The following ATP9A variants were observed in gnomAD, a reference collection of about 807,000 sequenced individuals.
ATP9A encodes probable phospholipid-transporting ATPase IIA.
A neutral mutation model predicts 144.1 loss-of-function variants in ATP9A; 52 were observed. The ratio of observed to expected loss-of-function variants is 0.36; its 90% CI spans 0.29 to 0.45. ATP9A has a LOEUF of 0.45. ATP9A is among the 20% of genes least tolerant of loss of function. The probability of loss-of-function intolerance (pLI) is 1.00; values close to 1 mark genes in which losing one functional copy is unlikely to be tolerated. For synonymous variants in ATP9A, 582 were observed against 557.4 expected, an observed-to-expected ratio of 1.04 and a Z score of -0.62; for missense variants, 947 against 1,392.7, an observed-to-expected ratio of 0.68 and a Z score of 5.09.
At chr20:51,606,199 G>A (rs2077162960) in intron 26 of ATP9A, among the ~76,000 whole-genome samples, 1 of 152,124 alleles carries the variant, frequency 6.6e-6, no homozygotes, top group Admixed American at 6.5e-5. Context: ...GGAGGTTGCA[G>A]TGAGCCAAAA....
intron 11 of ATP9A, among the ~76,000 whole-genome samples, chr20:51,673,311 C>T (rs1352524846): frequency 6.6e-6 from 1 of 151,986 alleles, no homozygotes; most frequent in Non-Finnish European, 1.5e-5. Flanking sequence ...GAGGTGGAGG[C>T]TGCAGTGAGC....
chr20:51,702,291 CAAAAA>C (rs568902724), intron 4 of ATP9A, among the ~76,000 whole-genome samples: 3 of 101,294 alleles, frequency 3.0e-5, no homozygotes, highest in Non-Finnish European at 4.1e-5. Context: ...GACTCTGTCT[CAAAAA>C]AAAAAAAAAA....
rs543844593 is a variant in ATP9A at position 51,703,750 on chromosome 20, A to T, written c.437-6268T>A. 1.8e-4 allele frequency among the ~76,000 whole-genome samples: 27 copies of T among 152,186 alleles called. 1 individual carries two copies. In the East Asian group the frequency reaches 2.5e-3, roughly 14 times the overall value. On this transcript the variant is annotated intron_variant, in intron 4 of 27. Transcript: ENST00000338821. ...AACTGCAGAATAGCCTACCAAAAAAATTTTTTTTAATAAATTCCAGGGCAG... is the reference window on the plus strand; with the variant it reads ...AACTGCAGAATAGCCTACCAAAAAATTTTTTTTTAATAAATTCCAGGGCAG...
Position 51,639,403 on chromosome 20 carries a change from G to A in ATP9A, c.1608C>T (p.Phe536=), listed in dbSNP as rs1034540582. ...LRTPGDQILN[F]TILQIFPFTY... is the part of the protein sequence containing the mutation. ...TGAAAGGGAAGATCTGTAGGATGGT[G>A]AAGTTCAGGATCTGGTCGCCAGGGG... Residue 536 remains phenylalanine (F), a synonymous_variant, in exon 15 of 28, where the codon TTC becomes TTT. Transcript: ENST00000338821. 3.1e-6 allele frequency: 5 copies of A among 1,614,042 alleles called. No individual in the cohort carries two copies. The highest frequency in any genetic ancestry group is 2.5e-6 in the Non-Finnish European group (3 of 1,180,008).
At chr20:51,727,231 C>T (rs1341691863) in intron 2 of ATP9A, among the ~76,000 whole-genome samples, 1 of 150,916 alleles carries the variant, frequency 6.6e-6, no homozygotes. Flanking sequence ...GCTGAGATCG[C>T]GCCACTACAC....
intron 24 of ATP9A, among the ~76,000 whole-genome samples, chr20:51,609,122 G>A (rs1286991255): frequency 6.6e-6 from 1 of 152,090 alleles, no homozygotes; most frequent in Non-Finnish European, 1.5e-5. Flanking sequence ...CTGAAGAACA[G>A]CCATAAGGCC....
At chr20:51,703,861 T>C (rs1393876750) in intron 4 of ATP9A, among the ~76,000 whole-genome samples, 1 of 151,694 alleles carries the variant, frequency 6.6e-6, no homozygotes, top group African/African-American at 2.4e-5. Context: ...CTGATTGCTT[T>C]TGTAGATCTC....
At chr20:51,648,540 A>T (rs2426340) in intron 14 of ATP9A, among the ~76,000 whole-genome samples, 68,675 of 151,612 alleles carry the variant, frequency 0.45, 17,003 homozygotes, top group East Asian at 0.8. Flanking sequence ...CCATTAAAAA[A>T]CCTCTTATTG....
At position 51,736,634 on chromosome 20, in the gene ATP9A, C is replaced by T. The variant is rs1381494126; in HGVS notation, c.69-6656G>A. 2.0e-5 allele frequency among the ~76,000 whole-genome samples: 3 copies of T among 151,868 alleles called. No homozygotes were observed. In the East Asian group the frequency reaches 5.8e-4, roughly 29 times the overall value. ...CTTCCCTGAGAGCTGGGATTACAGG[C>T]GGGAGCCACCGCGCCTGGCCCTCAC... is the stretch of plus-strand genomic sequence containing the variant. On this transcript the variant is annotated intron_variant, in intron 1 of 27. Coordinates refer to ENST00000338821, the MANE Select transcript of ATP9A (RefSeq NM_006045.3).
rs1435463281 is a variant in ATP9A, at chr20:51,768,307, G to A, written c.63C>T (p.Arg21=). ...RQKKRMDSRP[R]AGCCEWLRCC... ...ACGGGCCCAGGCCCACTCACCCGGC[G>A]CGGGGCCTGCTGTCCATCCGCTTCT... is the stretch of plus-strand genomic sequence containing the variant. The change falls in exon 1 of 28, where the codon CGC becomes CGT. Residue 21 remains arginine (R), a synonymous_variant. Coordinates refer to ENST00000338821, the MANE Select transcript of ATP9A (RefSeq NM_006045.3). The A allele has an allele frequency of 6.9e-6, 9 of 1,303,162 alleles. No individual in the cohort carries two copies. The highest frequency in any genetic ancestry group is 8.9e-6 in the Non-Finnish European group (9 of 1,016,324). The allele number at this position is 1,303,162 out of a possible 1,614,324, so 80.7% of individuals were successfully genotyped here.
At chr20:51,666,661 C>A (rs1432110376) in intron 13 of ATP9A, among the ~76,000 whole-genome samples, 2 of 137,542 alleles carry the variant, frequency 1.5e-5, no homozygotes, top group African/African-American at 2.8e-5. Context: ...GCCTGGGCAA[C>A]AGAGTGAGAC....
chr20:51,759,050 G>C (rs1434957334), intron 1 of ATP9A, among the ~76,000 whole-genome samples: 1 of 152,246 alleles, frequency 6.6e-6, no homozygotes, highest in African/African-American at 2.4e-5. Flanking sequence ...CACGTGGGCA[G>C]AGAGCAGCTA....
chr20:51,653,645 G>A (rs1447654018), intron 14 of ATP9A, among the ~76,000 whole-genome samples: 3 of 152,100 alleles, frequency 2.0e-5, no homozygotes, highest in Admixed American at 6.5e-5. Context: ...AAATTTGCCA[G>A]GCATGGTGGC....
At chr20:51,669,671 A>G (rs1050178530) in intron 13 of ATP9A, among the ~76,000 whole-genome samples, 7 of 152,198 alleles carry the variant, frequency 4.6e-5, no homozygotes, top group Non-Finnish European at 8.8e-5. Flanking sequence ...TCAGCACTTC[A>G]GCAGAGCAGA....
At chr20:51,656,843 G>A (rs1461364742) in intron 14 of ATP9A, 95 bp downstream of exon 14, 2 of 1,172,678 alleles carry the variant, frequency 1.7e-6, no homozygotes, top group African/African-American at 3.0e-5. Flanking sequence ...GCTCCTGTCT[G>A]CCCTGACACA....
chr20:51,764,887 A>AT (rs2077896805), intron 1 of ATP9A, among the ~76,000 whole-genome samples: 1 of 151,954 alleles, frequency 6.6e-6, no homozygotes, highest in South Asian at 2.1e-4. Context: ...CACCCGGCTA[A>AT]TTTTTGTATT....
At chr20:51,727,181 A>G (rs576685543) in intron 2 of ATP9A, among the ~76,000 whole-genome samples, 5 of 151,894 alleles carry the variant, frequency 3.3e-5, no homozygotes, top group Admixed American at 1.3e-4. Flanking sequence ...AGGTTGAGGC[A>G]AGAGAATCGC....
intron 1 of ATP9A, among the ~76,000 whole-genome samples, chr20:51,751,262 T>G (rs1437327229): frequency 1.2e-4 from 9 of 72,034 alleles, no homozygotes; most frequent in African/African-American, 4.8e-4. Context: ...GTTTTTTTTG[T>G]TTTTTTTTTT....
At position 51,674,317 on chromosome 20, in the gene ATP9A, T is replaced by C; in HGVS notation, c.877-4A>G. On this transcript the variant is annotated splice_region_variant and splice_polypyrimidine_tract_variant and intron_variant, in intron 10 of 27. Coordinates refer to ENST00000338821, the MANE Select transcript of ATP9A (RefSeq NM_006045.3). ...CTTCCAAGTCGAACAGGCCGATCTG[T>C]GGGACGAAGCACAAACCAGGGCTTG... 4 of 1,612,362 alleles carry C rather than the reference T, an allele frequency of 2.5e-6. No homozygotes were observed. Among genetic ancestry groups the C allele is most frequent in the Non-Finnish European group, 3.4e-6 (4 of 1,179,766 alleles).
Sources: allele counts gnomAD v4.1 joint callset (sites outside exome capture counted in the v4.1 genomes callset), GRCh38; gene constraint gnomAD v4.1.1; transcripts MANE v1.5; gene names NCBI Gene and HGNC (gene_info 2026-07-23, HGNC 2026-07-21).